KHDRBS2: variants seen among roughly 807,000 people sequenced by gnomAD.
KHDRBS2 encodes the protein KH RNA binding domain containing, signal transduction associated 2.
In KHDRBS2, 26 loss-of-function variants were observed where a neutral mutation model predicts 44.3. The observed-to-expected ratio is 0.59, with a 90% confidence interval of 0.43 to 0.81. KHDRBS2 has a LOEUF of 0.81. KHDRBS2 is among the 40% of genes least tolerant of loss of function. The pLI is 0.00. For missense variants in KHDRBS2, 476 were observed against 433.1 expected (o/e 1.10, Z -0.88); for synonymous variants, 194 against 151.1 (o/e 1.28, Z -2.08).
intron 3 of KHDRBS2, among the ~76,000 whole-genome samples, chr6:62,014,413 G>C (rs971493926): frequency 3.9e-5 from 6 of 151,980 alleles, no homozygotes; most frequent in Admixed American, 6.6e-5. Context: ...TTTATCAAAG[G>C]ACTCCCACAA....
chr6:61,866,423 G>A (rs1351936915), intron 6 of KHDRBS2, among the ~76,000 whole-genome samples: 1 of 152,180 alleles, frequency 6.6e-6, no homozygotes, highest in East Asian at 1.9e-4. Flanking sequence ...CGGATGCAGG[G>A]CACCAAGTCC....
At chr6:62,252,076 G>A (rs1451405785) in intron 1 of KHDRBS2, among the ~76,000 whole-genome samples, 2 of 151,814 alleles carry the variant, frequency 1.3e-5, no homozygotes, top group African/African-American at 4.8e-5. Context: ...CTAAATTTAT[G>A]AGGAGAGGTA....
chr6:61,986,240 T>C (rs1583978441), intron 3 of KHDRBS2, among the ~76,000 whole-genome samples: 3 of 152,288 alleles, frequency 2.0e-5, no homozygotes, highest in Admixed American at 6.5e-5. Flanking sequence ...TCAAATAAGG[T>C]TAAAGTTTTT....
chr6:62,026,567 G>C (rs897924967), intron 3 of KHDRBS2, among the ~76,000 whole-genome samples: 3 of 151,560 alleles, frequency 2.0e-5, no homozygotes, highest in African/African-American at 7.3e-5. Flanking sequence ...CAAGTAACTG[G>C]GATCACAGGC....
At chr6:62,162,502 A>G (rs547756979) in intron 2 of KHDRBS2, among the ~76,000 whole-genome samples, 1 of 152,172 alleles carries the variant, frequency 6.6e-6, no homozygotes, top group East Asian at 1.9e-4. Context: ...GCTGCTTTCA[A>G]GATTCTCTTT....
intron 4 of KHDRBS2, among the ~76,000 whole-genome samples, chr6:61,954,420 T>A (rs145934382): frequency 0.063 from 4,674 of 74,308 alleles, 327 homozygotes; most frequent in African/African-American, 0.13. Flanking sequence ...CATACATATA[T>A]ACGTATGTAT....
At chr6:61,607,519 G>GAAGAAAAAA in the KHDRBS2 span, among the ~76,000 whole-genome samples, 1 of 23,322 alleles carries the variant, frequency 4.3e-5, no homozygotes, top group Admixed American at 6.9e-4. Context: ...TGAGTTCCAA[G>GAAGAAAAAA]CAAAAAAAAA....
the KHDRBS2 span, among the ~76,000 whole-genome samples, chr6:61,580,977 A>G: frequency 0.62 from 93,671 of 152,084 alleles, 29,075 homozygotes; most frequent in Non-Finnish European, 0.65. Flanking sequence ...CTATGAACTA[A>G]TTTAGTACAA....
intron 2 of KHDRBS2, among the ~76,000 whole-genome samples, chr6:62,082,059 C>T (rs1040675601): frequency 1.3e-5 from 2 of 151,812 alleles, no homozygotes; most frequent in African/African-American, 4.8e-5. Context: ...AGTTGTATGC[C>T]CAATGGGAAT....
At chr6:62,073,530 C>CTTTTTTTT (rs60124030) in intron 2 of KHDRBS2, among the ~76,000 whole-genome samples, 296 of 124,174 alleles carry the variant, frequency 2.4e-3, no homozygotes, top group African/African-American at 2.9e-3. Context: ...TTTCTTTTTT[C>CTTTTTTTT]TTTTTTTTTT....
intron 4 of KHDRBS2, among the ~76,000 whole-genome samples, chr6:61,948,576 A>C (rs1764071396): frequency 6.6e-6 from 1 of 151,758 alleles, no homozygotes; most frequent in African/African-American, 2.4e-5. Flanking sequence ...TTATAAAATG[A>C]GATTGTAATT....
At chr6:62,278,041 C>G (rs1841249182) in intron 1 of KHDRBS2, among the ~76,000 whole-genome samples, 1 of 152,022 alleles carries the variant, frequency 6.6e-6, no homozygotes, top group Admixed American at 6.6e-5. Flanking sequence ...GTTATTCCAC[C>G]TCTAAAAAAA....
the KHDRBS2 span, among the ~76,000 whole-genome samples, chr6:61,619,084 G>T: frequency 2.0e-5 from 3 of 152,124 alleles, no homozygotes; most frequent in African/African-American, 7.2e-5. Context: ...AGTGAGCTAA[G>T]TTTGGTGAAA....
rs150723835 is a variant in KHDRBS2 at position 61,823,303 on chromosome 6, C to T, written c.810+71332G>A. 8.4e-3 allele frequency among the ~76,000 whole-genome samples: 1,280 copies of T among 152,016 alleles called. 6 individuals carry two copies. The highest frequency in any genetic ancestry group is 0.013 in the Non-Finnish European group (879 of 67,926). On this transcript the variant is annotated intron_variant, in intron 6 of 8. Coordinates refer to ENST00000281156, the MANE Select transcript of KHDRBS2 (RefSeq NM_152688.4). ...GAAAAATTCAGTTTATATTGGAACCCTATAAAAAGTTGTATATAATTTTTG... is the reference window on the plus strand; with the variant it reads ...GAAAAATTCAGTTTATATTGGAACCTTATAAAAAGTTGTATATAATTTTTG...
At chr6:61,785,010 A>G (rs753508032) in intron 6 of KHDRBS2, among the ~76,000 whole-genome samples, 1 of 151,988 alleles carries the variant, frequency 6.6e-6, no homozygotes, top group Non-Finnish European at 1.5e-5. Flanking sequence ...TTTGCAGGGC[A>G]TGGTGGCGCA....
At chr6:61,658,755 C>T in the KHDRBS2 span, among the ~76,000 whole-genome samples, 3 of 151,900 alleles carry the variant, frequency 2.0e-5, no homozygotes, top group Non-Finnish European at 4.4e-5. Context: ...AAATAGTACA[C>T]AATCCACATT....
the KHDRBS2 span, among the ~76,000 whole-genome samples, chr6:61,643,309 G>A: frequency 2.0e-5 from 3 of 152,164 alleles, no homozygotes; most frequent in African/African-American, 7.2e-5. Flanking sequence ...GAATGAATAT[G>A]CCTCAGAATA....
At chr6:61,999,661 A>G (rs911350855) in intron 3 of KHDRBS2, among the ~76,000 whole-genome samples, 24 of 152,242 alleles carry the variant, frequency 1.6e-4, no homozygotes, top group African/African-American at 5.3e-4. Flanking sequence ...CTACCAACTT[A>G]AATCAGATAA....
the KHDRBS2 span, among the ~76,000 whole-genome samples, chr6:61,649,964 G>A: frequency 2.0e-5 from 3 of 152,074 alleles, no homozygotes; most frequent in African/African-American, 4.8e-5. Flanking sequence ...GTTCCACCCT[G>A]AGAATATGCA....
Sources: allele counts gnomAD v4.1 joint callset (sites outside exome capture counted in the v4.1 genomes callset), GRCh38; gene constraint gnomAD v4.1.1; transcripts MANE v1.5; gene names NCBI Gene and HGNC (gene_info 2026-07-23, HGNC 2026-07-21).